The following SOX6 variants were observed in gnomAD, a reference collection of about 807,000 sequenced individuals.
SOX6 encodes the protein SRY-box transcription factor 6, also known as transcription factor SOX-6.
SOX6 carries 11 observed loss-of-function variants against 97.8 expected under a neutral mutation model. The ratio of observed to expected loss-of-function variants is 0.11; its 90% CI spans 0.07 to 0.19. The LOEUF (loss-of-function observed/expected upper bound fraction) is 0.19. SOX6 is among the 10% of genes least tolerant of loss of function. The probability of loss-of-function intolerance (pLI) is 1.00; values close to 1 mark genes in which losing one functional copy is unlikely to be tolerated. For synonymous variants in SOX6, 360 were observed against 371.4 expected, an observed-to-expected ratio of 0.97 and a Z score of 0.35; for missense variants, 810 against 1,039.5, an observed-to-expected ratio of 0.78 and a Z score of 3.04.
At chr11:16,202,944 GAA>G (rs1306311053) in intron 4 of SOX6, among the ~76,000 whole-genome samples, 2 of 151,814 alleles carry the variant, frequency 1.3e-5, no homozygotes, top group African/African-American at 4.8e-5. Flanking sequence ...ACATGACTGG[GAA>G]AAAAAAGATT....
chr11:16,288,569 ACT>A (rs1339138088), intron 3 of SOX6, among the ~76,000 whole-genome samples: 2 of 152,050 alleles, frequency 1.3e-5, no homozygotes, highest in Non-Finnish European at 2.9e-5. Flanking sequence ...ATTCAAATAT[ACT>A]TTTTAGTAAG....
At chr11:16,676,919 T>G (rs1847888719) in intron 3 of SOX6, among the ~76,000 whole-genome samples, 1 of 152,020 alleles carries the variant, frequency 6.6e-6, no homozygotes, top group African/African-American at 2.4e-5. Flanking sequence ...GTCCTGGGCA[T>G]GCAGTTGGCC....
intron 12 of SOX6, among the ~76,000 whole-genome samples, chr11:16,039,952 A>G (rs1232008885): frequency 6.6e-6 from 1 of 151,984 alleles, no homozygotes; most frequent in Non-Finnish European, 1.5e-5. Flanking sequence ...TCTAGAAGAG[A>G]TTAGATCTAG....
At chr11:16,114,322 G>A (rs1849297279) in intron 6 of SOX6, among the ~76,000 whole-genome samples, 1 of 152,136 alleles carries the variant, frequency 6.6e-6, no homozygotes, top group African/African-American at 2.4e-5. Context: ...TCTTGACTGT[G>A]TAATCTTGAA....
intron 4 of SOX6, among the ~76,000 whole-genome samples, chr11:16,201,924 C>T (rs1851951987): frequency 1.3e-5 from 2 of 151,686 alleles, no homozygotes; most frequent in South Asian, 2.1e-4. Flanking sequence ...TGAGCCACCG[C>T]GCCCGGCCTG....
chr11:16,162,354 T>C (rs1850772504), intron 6 of SOX6, among the ~76,000 whole-genome samples: 1 of 152,202 alleles, frequency 6.6e-6, no homozygotes. Context: ...GGACAAGCAA[T>C]ACCCTTGATA....
chr11:16,319,065 C>T (rs970867150), intron 2 of SOX6, among the ~76,000 whole-genome samples: 1 of 152,104 alleles, frequency 6.6e-6, no homozygotes, highest in Admixed American at 6.6e-5. Context: ...CAACACTCTT[C>T]CCACAACATA....
chr11:16,085,281 T>G (rs1257065308), intron 9 of SOX6, among the ~76,000 whole-genome samples: 1 of 152,126 alleles, frequency 6.6e-6, no homozygotes, highest in African/African-American at 2.4e-5. Context: ...TTGGGGCACA[T>G]GCTCCATTCC....
chr11:16,501,789 A>G (rs1176113121), intron 4 of SOX6, among the ~76,000 whole-genome samples: 2 of 152,176 alleles, frequency 1.3e-5, no homozygotes, highest in African/African-American at 4.8e-5. Context: ...TTAGAATGGC[A>G]ATCATTGAAA....
intron 1 of SOX6, among the ~76,000 whole-genome samples, chr11:16,400,093 T>G (rs1031214421): frequency 6.6e-6 from 1 of 151,566 alleles, no homozygotes; most frequent in African/African-American, 2.4e-5. Context: ...TTGAACATGT[T>G]TAATGGTCTA....
intron 12 of SOX6, among the ~76,000 whole-genome samples, chr11:16,025,014 T>C (rs1233848860): frequency 6.6e-6 from 1 of 152,142 alleles, no homozygotes; most frequent in African/African-American, 2.4e-5. Flanking sequence ...ACTCTGAAGA[T>C]ATGAGACCCT....
At chr11:16,463,704 G>A (rs10500830) in intron 1 of SOX6, among the ~76,000 whole-genome samples, 26,333 of 152,098 alleles carry the variant, frequency 0.17, 2,759 homozygotes, top group Admixed American at 0.3. Context: ...AGCACTGTTA[G>A]GTACTATTGT....
intron 4 of SOX6, among the ~76,000 whole-genome samples, chr11:16,532,783 C>A (rs1312216686): frequency 6.6e-6 from 1 of 151,766 alleles, no homozygotes; most frequent in Admixed American, 6.6e-5. Flanking sequence ...GCATGATATG[C>A]CAGTACTGTC....
At chr11:16,286,298 G>A (rs1443505627) in intron 3 of SOX6, among the ~76,000 whole-genome samples, 1 of 152,074 alleles carries the variant, frequency 6.6e-6, no homozygotes, top group Non-Finnish European at 1.5e-5. Flanking sequence ...TGCTTAAAGA[G>A]TCTACTGAAG....
chr11:16,052,180 A>G (rs945397492), intron 10 of SOX6, among the ~76,000 whole-genome samples: 1 of 152,098 alleles, frequency 6.6e-6, no homozygotes, highest in Admixed American at 6.6e-5. Context: ...ACTTTAACCA[A>G]TAATACCACT....
chr11:16,665,917 G>C (rs994713763), intron 3 of SOX6, among the ~76,000 whole-genome samples: 3 of 152,306 alleles, frequency 2.0e-5, no homozygotes, highest in Middle Eastern at 3.4e-3. Flanking sequence ...AATTCTTCTA[G>C]ATCTTATCTA....
intron 3 of SOX6, among the ~76,000 whole-genome samples, chr11:16,676,352 A>T (rs923592182): frequency 4.6e-5 from 7 of 152,156 alleles, no homozygotes; most frequent in Admixed American, 6.5e-5. Flanking sequence ...CTGTTTGAGA[A>T]TATTTAAAAT....
chr11:16,301,648 TA>T (rs948117667), intron 3 of SOX6, among the ~76,000 whole-genome samples: 1 of 152,162 alleles, frequency 6.6e-6, no homozygotes, highest in African/African-American at 2.4e-5. Flanking sequence ...ATGTTGGGGC[TA>T]AAGGTATAGT....
chr11:16,131,541 T>C (rs181673025), intron 6 of SOX6, among the ~76,000 whole-genome samples: 4 of 152,174 alleles, frequency 2.6e-5, no homozygotes, highest in African/African-American at 9.6e-5. Context: ...TTTACAGAAA[T>C]TTCTTAAAGA....
Sources: gnomAD v4.1 joint callset for allele counts (sites outside exome capture counted in the v4.1 genomes callset) on GRCh38, gnomAD v4.1.1 for gene constraint, MANE v1.5 for transcripts, NCBI Gene and HGNC (gene_info 2026-07-23, HGNC 2026-07-21) for gene names.